Variants in CNTN5 observed in about 807,000 individuals in gnomAD.
CNTN5 encodes contactin-5.
Under a neutral mutation model 129.1 loss-of-function variants are expected in CNTN5, and 77 were observed. The ratio of observed to expected loss-of-function variants is 0.60; its 90% CI spans 0.50 to 0.72. The LOEUF (loss-of-function observed/expected upper bound fraction) is 0.72. CNTN5 is among the 30% of genes least tolerant of loss of function. The pLI, the probability that CNTN5 is intolerant of heterozygous loss-of-function variation, is 0.00. For missense variants in CNTN5, 1,478 were observed against 1,328.8 expected (o/e 1.11, Z -1.75); for synonymous variants, 509 against 465.6 (o/e 1.09, Z -1.20).
chr11:100,136,645 C>G (rs1308667494), intron 13 of CNTN5, among the ~76,000 whole-genome samples: 1 of 151,840 alleles, frequency 6.6e-6, no homozygotes, highest in Non-Finnish European at 1.5e-5. Flanking sequence ...AGTGTGTTCA[C>G]AGCACTTTCA....
intron 2 of CNTN5, among the ~76,000 whole-genome samples, chr11:99,379,034 T>C (rs979629246): frequency 1.3e-5 from 2 of 152,030 alleles, no homozygotes; most frequent in African/African-American, 4.8e-5. Context: ...AAAATAGCAC[T>C]CATCTCTATG....
At chr11:99,264,005 A>G (rs1027251608) in intron 1 of CNTN5, among the ~76,000 whole-genome samples, 3 of 151,996 alleles carry the variant, frequency 2.0e-5, no homozygotes, top group African/African-American at 7.2e-5. Flanking sequence ...TTCTGGCTGT[A>G]TTTTTCTGGT....
intron 7 of CNTN5, among the ~76,000 whole-genome samples, chr11:99,931,866 G>C (rs560936931): frequency 6.6e-6 from 1 of 152,224 alleles, no homozygotes; most frequent in African/African-American, 2.4e-5. Flanking sequence ...GGAAAGTTAC[G>C]ATATCCTTCT....
At chr11:100,052,747 G>C (rs1317156727) in intron 9 of CNTN5, among the ~76,000 whole-genome samples, 1 of 151,702 alleles carries the variant, frequency 6.6e-6, no homozygotes, top group Non-Finnish European at 1.5e-5. Context: ...ATATGAAATA[G>C]CCAAAGGTAG....
At position 99,513,783 on chromosome 11, in the gene CNTN5, T is replaced by C. The variant is rs562534488; in HGVS notation, c.-70-42362T>C. Among the ~76,000 whole-genome samples, 19 of 152,160 alleles carry C rather than the reference T, an allele frequency of 1.2e-4. No individual in the cohort carries two copies. The East Asian group carries it at 3.7e-3, about 29-fold the overall frequency. The stretch of plus-strand genomic sequence containing the variant: ...TATTACCATTCACTGACAAAGCACC[T>C]GGTCATGCAAGAGCTCTGATGGAGA... On this transcript the variant is annotated intron_variant, in intron 2 of 24. Transcript: ENST00000524871.
chr11:99,245,050 T>C (rs1388011316), intron 1 of CNTN5, among the ~76,000 whole-genome samples: 1 of 152,222 alleles, frequency 6.6e-6, no homozygotes, highest in Admixed American at 6.5e-5. Flanking sequence ...ATCAAAGTAA[T>C]GTTTTTGTGA....
intron 1 of CNTN5, among the ~76,000 whole-genome samples, chr11:99,217,384 A>G (rs1860184624): frequency 6.6e-6 from 1 of 152,202 alleles, no homozygotes; most frequent in Admixed American, 6.5e-5. Flanking sequence ...ATGAGATATC[A>G]TCTCACCTCA....
rs1951123918 is a variant in CNTN5 at position 100,297,609 on chromosome 11, C to T, written c.2315-16C>T. 2 of 1,598,106 alleles carry T rather than the reference C, an allele frequency of 1.3e-6. No individual in the cohort carries two copies. Among genetic ancestry groups the T allele is most frequent in the Admixed American group, 1.7e-5 (1 of 58,978 alleles). On this transcript the variant is annotated splice_polypyrimidine_tract_variant and intron_variant, in intron 18 of 24. Coordinates refer to ENST00000524871, the MANE Select transcript of CNTN5 (RefSeq NM_014361.4). ...GAGTTTTTTTCTCCTCACTCTCCAC[C>T]CATTTTTATCCACAGTTCCGAAGAC...
chr11:99,857,751 T>C (rs1948084152), intron 6 of CNTN5, among the ~76,000 whole-genome samples: 3 of 152,162 alleles, frequency 2.0e-5, no homozygotes, highest in African/African-American at 7.2e-5. Flanking sequence ...AAACTGATTT[T>C]AGATGTGATC....
intron 1 of CNTN5, among the ~76,000 whole-genome samples, chr11:99,101,383 C>T (rs1414095340): frequency 1.3e-5 from 2 of 152,122 alleles, no homozygotes; most frequent in Admixed American, 6.5e-5. Flanking sequence ...CCCAACAGTC[C>T]CCCAAAGTCG....
At chr11:100,281,167 C>G (rs763191585) in intron 18 of CNTN5, among the ~76,000 whole-genome samples, 2 of 152,054 alleles carry the variant, frequency 1.3e-5, no homozygotes, top group Non-Finnish European at 2.9e-5. Flanking sequence ...TTCCTGTGTA[C>G]TTACTATTAC....
intron 2 of CNTN5, among the ~76,000 whole-genome samples, chr11:99,333,815 T>A (rs1866102522): frequency 6.6e-6 from 1 of 152,052 alleles, no homozygotes; most frequent in Non-Finnish European, 1.5e-5. Flanking sequence ...CTCTCTCTAG[T>A]GTCTTCAAAA....
At chr11:100,030,215 G>GA (rs60259752) in intron 9 of CNTN5, among the ~76,000 whole-genome samples, 5 of 150,466 alleles carry the variant, frequency 3.3e-5, no homozygotes, top group Admixed American at 6.6e-5. Context: ...TCTCTAAAAA[G>GA]AAAAAAAAAA....
intron 3 of CNTN5, among the ~76,000 whole-genome samples, chr11:99,659,714 G>T (rs1016394628): frequency 1.3e-5 from 2 of 152,116 alleles, no homozygotes; most frequent in Non-Finnish European, 2.9e-5. Context: ...CTCATAGACT[G>T]GAGGAGACCC....
At chr11:100,060,394 T>G (rs1043648071) in intron 9 of CNTN5, among the ~76,000 whole-genome samples, 1 of 151,932 alleles carries the variant, frequency 6.6e-6, no homozygotes, top group African/African-American at 2.4e-5. Flanking sequence ...AAATTTATAT[T>G]TAAAAAATAA....
At chr11:100,004,298 CTT>C (rs570893144) in intron 9 of CNTN5, among the ~76,000 whole-genome samples, 4 of 151,640 alleles carry the variant, frequency 2.6e-5, no homozygotes, top group Non-Finnish European at 5.9e-5. Context: ...GCATGTCAAA[CTT>C]TTTTTTTGTC....
At chr11:99,272,563 A>C (rs1863226076) in intron 1 of CNTN5, among the ~76,000 whole-genome samples, 1 of 151,708 alleles carries the variant, frequency 6.6e-6, no homozygotes, top group African/African-American at 2.4e-5. Context: ...ATTTTTACTT[A>C]ATTATATTTT....
At chr11:99,552,215 G>T (rs12417196) in intron 2 of CNTN5, among the ~76,000 whole-genome samples, 10,905 of 138,022 alleles carry the variant, frequency 0.079, 894 homozygotes, top group East Asian at 0.32. Flanking sequence ...CAGTTTTTGT[G>T]TTTTTTTTTT....
chr11:99,424,788 T>C (rs994191659), intron 2 of CNTN5, among the ~76,000 whole-genome samples: 5 of 152,246 alleles, frequency 3.3e-5, no homozygotes, highest in African/African-American at 1.2e-4. Context: ...GTTTCAGCCC[T>C]GTTTGTGTTA....
Sources: gnomAD v4.1 joint callset for allele counts (sites outside exome capture counted in the v4.1 genomes callset) on GRCh38, gnomAD v4.1.1 for gene constraint, MANE v1.5 for transcripts, NCBI Gene and HGNC (gene_info 2026-07-23, HGNC 2026-07-21) for gene names.